Variants in TOM1L2 observed in about 807,000 individuals in gnomAD.
TOM1L2 encodes the protein target of myb1 like 2 membrane trafficking protein.
Under a neutral mutation model 67.9 loss-of-function variants are expected in TOM1L2, and 31 were observed. That is an observed-to-expected ratio of 0.46 (90% CI 0.34 to 0.62). The LOEUF (loss-of-function observed/expected upper bound fraction) is 0.62. Ranked by LOEUF, TOM1L2 falls within the 20% of genes least tolerant of loss-of-function variation. TOM1L2 has a pLI of 0.01. For synonymous variants in TOM1L2, 256 were observed against 254.0 expected, an observed-to-expected ratio of 1.01 and a Z score of -0.07; for missense variants, 606 against 663.5, an observed-to-expected ratio of 0.91 and a Z score of 0.95.
chr17:17,859,280 G>C (rs1232672132), intron 12 of TOM1L2: 1 of 151,082 alleles, frequency 6.6e-6, no homozygotes, highest in Non-Finnish European at 1.5e-5. Flanking sequence ...TCTCCATGTT[G>C]GTCAGGCTGG....
intron 4 of TOM1L2, among the ~76,000 whole-genome samples, chr17:17,886,514 G>A (rs1354852114): frequency 6.6e-6 from 1 of 152,234 alleles, no homozygotes; most frequent in South Asian, 2.1e-4. Flanking sequence ...ATCCAGCTAA[G>A]TCCTGTGACG....
chr17:17,956,883 G>A (rs927958666), intron 1 of TOM1L2, among the ~76,000 whole-genome samples: 7 of 152,210 alleles, frequency 4.6e-5, no homozygotes, highest in South Asian at 2.1e-4. Context: ...TGAGGGAGGC[G>A]GCTCCGGCCT....
At chr17:17,885,956 T>G (rs970496816) in intron 4 of TOM1L2, among the ~76,000 whole-genome samples, 6 of 151,198 alleles carry the variant, frequency 4.0e-5, no homozygotes, top group African/African-American at 1.5e-4. Context: ...AAAATTCTGT[T>G]CTTTGGAAGT....
At chr17:17,969,477 T>C (rs1423569082) in intron 1 of TOM1L2, among the ~76,000 whole-genome samples, 3 of 145,254 alleles carry the variant, frequency 2.1e-5, no homozygotes, top group African/African-American at 7.6e-5. Flanking sequence ...ACACTAAATA[T>C]CAAGAAAGTC....
At chr17:17,971,778 T>C (rs765161676) in intron 1 of TOM1L2, among the ~76,000 whole-genome samples, 1 of 152,204 alleles carries the variant, frequency 6.6e-6, no homozygotes, top group Non-Finnish European at 1.5e-5. Flanking sequence ...GGCTGAGCCT[T>C]GATGGGCAGG....
chr17:17,852,592 A>G (rs557276282), intron 12 of TOM1L2, among the ~76,000 whole-genome samples: 18 of 152,308 alleles, frequency 1.2e-4, no homozygotes, highest in Middle Eastern at 3.4e-3. Flanking sequence ...TGAGCAGGGC[A>G]CGGTGGCTCA....
chr17:17,886,152 A>G (rs1439322361), intron 4 of TOM1L2, among the ~76,000 whole-genome samples: 1 of 151,654 alleles, frequency 6.6e-6, no homozygotes, highest in Non-Finnish European at 1.5e-5. Context: ...GGTACAACCA[A>G]TCCTGAGGCA....
chr17:17,919,334 C>A (rs1417378363), intron 1 of TOM1L2, among the ~76,000 whole-genome samples: 1 of 152,296 alleles, frequency 6.6e-6, no homozygotes, highest in East Asian at 1.9e-4. Flanking sequence ...TCCCCTTGCA[C>A]CCCCCTCCTC....
At chr17:17,938,437 A>G (rs1270315872) in intron 1 of TOM1L2, among the ~76,000 whole-genome samples, 1 of 152,182 alleles carries the variant, frequency 6.6e-6, no homozygotes, top group Non-Finnish European at 1.5e-5. Flanking sequence ...CATAAGGCTG[A>G]CAACAGTCCC....
At chr17:17,919,965 C>A (rs1477462462) in intron 1 of TOM1L2, among the ~76,000 whole-genome samples, 1 of 152,152 alleles carries the variant, frequency 6.6e-6, no homozygotes, top group African/African-American at 2.4e-5. Context: ...ATACTGCCAA[C>A]CACATGACCC....
intron 1 of TOM1L2, among the ~76,000 whole-genome samples, chr17:17,951,483 G>A (rs531985273): frequency 6.6e-6 from 1 of 152,318 alleles, no homozygotes; most frequent in African/African-American, 2.4e-5. Flanking sequence ...TTGAGTTTGT[G>A]CATAAAAAGT....
At chr17:17,873,060 C>T (rs1360001849) in intron 7 of TOM1L2, among the ~76,000 whole-genome samples, 3 of 152,210 alleles carry the variant, frequency 2.0e-5, no homozygotes, top group Non-Finnish European at 4.4e-5. Context: ...TAGGTGGCCT[C>T]AGGCACTTGC....
chr17:17,871,736 A>G (rs1011402292), intron 7 of TOM1L2, among the ~76,000 whole-genome samples: 8 of 152,184 alleles, frequency 5.3e-5, no homozygotes, highest in African/African-American at 1.4e-4. Context: ...CAGCTCAGTT[A>G]TCCACATACT....
intron 1 of TOM1L2, among the ~76,000 whole-genome samples, chr17:17,966,663 T>C (rs1456618097): frequency 6.6e-6 from 1 of 151,774 alleles, no homozygotes; most frequent in Non-Finnish European, 1.5e-5. Flanking sequence ...GGATCAGGAG[T>C]AGATTCTAGG....
chr17:17,862,843 C>G lies in TOM1L2; in HGVS notation c.1090G>C (p.Gly364Arg). ...AGGGTGCCACTGACGCTCTCTGTCC[C>G]CAAGTCTGTGGCAACAAAACAAATG... ...LSSQLAGLDL[G>R]TESVSGTLSS... The change falls in exon 11 of 15, where the codon GGG becomes CGG. Residue 364 changes from glycine (G) to arginine (R), a missense_variant. This residue lies in a region of TOM1L2 where 543 missense variants were observed against 554.0 expected (regional missense o/e 0.98). Coordinates refer to ENST00000379504, the MANE Select transcript of TOM1L2 (RefSeq NM_001082968.2). The G allele has an allele frequency of 1.2e-6, 2 of 1,613,806 alleles. No individual in the cohort carries two copies. The highest frequency in any genetic ancestry group is 1.1e-5 in the South Asian group (1 of 91,060).
chr17:17,846,387 C>T lies in TOM1L2; in HGVS notation c.*1248G>A. ...TGTGGGGCCAGGTGTCTGGCTGGAC[C>T]AGGGCCTGGGATGACCCGAGTCCCT... On this transcript the variant is annotated 3_prime_UTR_variant, in exon 15 of 15. Coordinates refer to ENST00000379504, the MANE Select transcript of TOM1L2 (RefSeq NM_001082968.2). The T allele has an allele frequency of 6.6e-6, 1 of 152,608 alleles. No homozygotes were observed. Among genetic ancestry groups the T allele is most frequent in the Non-Finnish European group, 1.5e-5 (1 of 68,230 alleles). 9.5% of individuals were successfully genotyped at this position (152,608 alleles called of 1,614,324 possible).
Position 17,907,470 on chromosome 17 carries a change from G to A in TOM1L2, c.114C>T (p.Asp38=). 6.2e-7 allele frequency: 1 copy of A among 1,614,082 alleles called. No homozygotes were observed. The highest frequency in any genetic ancestry group is 8.5e-7 in the Non-Finnish European group (1 of 1,179,966). ...EDWTLNMEIC[D]IINETEEGPK... is the part of the protein sequence containing the mutation. ...ACCCTTCCTCCGTCTCATTGATGAT[G>A]TCACAGATCTCCATATTCAACGTCC... The change falls in exon 2 of 15, where the codon GAC becomes GAT. Residue 38 remains aspartate (D), a synonymous_variant. Coordinates refer to ENST00000379504, the MANE Select transcript of TOM1L2 (RefSeq NM_001082968.2).
rs368670982 is a variant in TOM1L2, at chr17:17,893,820, G to A, written c.217-10C>T. The A allele has an allele frequency of 1.9e-5, 30 of 1,612,660 alleles. No homozygotes were observed. The highest frequency in any genetic ancestry group is 2.3e-5 in the Non-Finnish European group (27 of 1,179,290). ...CACATGTCTCCAGCACCTGATGTGG[G>A]GAGGGAAGGAAAAGGGTCACCCCAG... On this transcript the variant is annotated splice_polypyrimidine_tract_variant and intron_variant, in intron 3 of 14. Coordinates refer to ENST00000379504, the MANE Select transcript of TOM1L2 (RefSeq NM_001082968.2).
chr17:17,902,178 AAAAT>A (rs148312891), intron 2 of TOM1L2, among the ~76,000 whole-genome samples: 6,430 of 152,162 alleles, frequency 0.042, 424 homozygotes, highest in African/African-American at 0.14. Context: ...CTCCACCTCA[AAAAT>A]AAATAAATAA....
Sources: allele counts gnomAD v4.1 joint callset (sites outside exome capture counted in the v4.1 genomes callset), GRCh38; gene constraint gnomAD v4.1.1; regional missense constraint gnomAD v4.1.1; transcripts MANE v1.5; gene names NCBI Gene and HGNC (gene_info 2026-07-23, HGNC 2026-07-21).